Variants in PPP2R1B observed in about 807,000 individuals in gnomAD.
PPP2R1B encodes the protein protein phosphatase 2 scaffold subunit Abeta, also known as serine/threonine-protein phosphatase 2A 65 kDa regulatory subunit A beta isoform.
PPP2R1B carries 58 observed loss-of-function variants against 72.7 expected under a neutral mutation model. That is an observed-to-expected ratio of 0.80 (90% CI 0.65 to 0.99). The LOEUF (loss-of-function observed/expected upper bound fraction) is 0.99, where lower values mean the gene tolerates loss of function less well. Among genes scored for constraint, PPP2R1B ranks in the 50% least tolerant of loss-of-function variants. The probability of loss-of-function intolerance (pLI) is 0.00; values close to 1 mark genes in which losing one functional copy is unlikely to be tolerated. For synonymous variants in PPP2R1B, 256 were observed against 264.6 expected, an observed-to-expected ratio of 0.97 and a Z score of 0.32; for missense variants, 695 against 733.6, an observed-to-expected ratio of 0.95 and a Z score of 0.61.
At chr11:111,755,582 A>C in intron 5 of PPP2R1B, 132 bp from the exon 6 acceptor site, 2 of 761,948 alleles carry the variant, frequency 2.6e-6, no homozygotes, top group Non-Finnish European at 3.7e-6. Flanking sequence ...ACGTCTTGAC[A>C]TCTTTTTCTT....
chr11:111,721,855 G>A, the PPP2R1B span: 1 of 1,610,854 alleles, frequency 6.2e-7, no homozygotes. Context: ...CAGCAGGAAA[G>A]CGTCTCCACT....
chr11:111,749,823 C>A (rs1297115087), intron 10 of PPP2R1B, among the ~76,000 whole-genome samples: 1 of 152,206 alleles, frequency 6.6e-6, no homozygotes, highest in Non-Finnish European at 1.5e-5. Flanking sequence ...AAGACACCAT[C>A]TGCCTTGCTT....
chr11:111,703,915 A>AGGGGTCAT, the PPP2R1B span, among the ~76,000 whole-genome samples: 1 of 152,180 alleles, frequency 6.6e-6, no homozygotes, highest in African/African-American at 2.4e-5. Context: ...TAGAACTGTG[A>AGGGGTCAT]AGGGTCATGA....
intron 15 of PPP2R1B, chr11:111,728,001 C>G (rs1944031924): frequency 6.6e-6 from 1 of 152,228 alleles, no homozygotes; most frequent in South Asian, 2.1e-4. Flanking sequence ...AAAATTCATA[C>G]TCCAGGTAAC....
the PPP2R1B span, among the ~76,000 whole-genome samples, chr11:111,711,991 G>C: frequency 6.6e-6 from 1 of 152,354 alleles, no homozygotes; most frequent in East Asian, 1.9e-4. Flanking sequence ...AGGCAGAAAT[G>C]AAATTCTGTA....
intron 3 of PPP2R1B, among the ~76,000 whole-genome samples, chr11:111,762,398 C>T (rs1264861298): frequency 1.3e-5 from 2 of 152,264 alleles, no homozygotes; most frequent in African/African-American, 4.8e-5. Context: ...CTGTAACCCC[C>T]TCTCGTGCAG....
intron 13 of PPP2R1B, 22 bp from the exon 14 acceptor site, chr11:111,742,166 T>C: frequency 6.3e-7 from 1 of 1,577,466 alleles, no homozygotes; most frequent in East Asian, 2.2e-5. Flanking sequence ...AAGTATTATC[T>C]GTGAAAGACA....
downstream of PPP2R1B, among the ~76,000 whole-genome samples, chr11:111,734,357 A>G (rs1313538322): frequency 1.3e-5 from 2 of 152,256 alleles, no homozygotes; most frequent in Non-Finnish European, 2.9e-5. Context: ...AGTTCTAGGC[A>G]TCAGACATGG....
At chr11:111,757,359 A>G (rs1555050049) in intron 5 of PPP2R1B, among the ~76,000 whole-genome samples, 1 of 152,190 alleles carries the variant, frequency 6.6e-6, no homozygotes, top group Admixed American at 6.5e-5. Flanking sequence ...ACTGTGTATC[A>G]ACAATAACTG....
At chr11:111,733,294 A>C (rs949454720), downstream of PPP2R1B, among the ~76,000 whole-genome samples, 2 of 152,124 alleles carry the variant, frequency 1.3e-5, no homozygotes, top group African/African-American at 4.8e-5. Context: ...GGAAAGCATG[A>C]GCTGGGCTGA....
downstream of PPP2R1B, among the ~76,000 whole-genome samples, chr11:111,733,234 G>A (rs970313949): frequency 6.6e-6 from 1 of 152,192 alleles, no homozygotes; most frequent in Non-Finnish European, 1.5e-5. Flanking sequence ...TCCTAGGGCA[G>A]ACTGACTCAG....
At chr11:111,751,412 G>T (rs1258322218) in intron 10 of PPP2R1B, among the ~76,000 whole-genome samples, 1 of 152,046 alleles carries the variant, frequency 6.6e-6, no homozygotes, top group Non-Finnish European at 1.5e-5. Flanking sequence ...GTGATGAGGT[G>T]AAATATGTTT....
chr11:111,710,328 G>A, the PPP2R1B span, among the ~76,000 whole-genome samples: 1 of 152,276 alleles, frequency 6.6e-6, no homozygotes, highest in East Asian at 1.9e-4. Flanking sequence ...ATGGTATGCA[G>A]TTGTTTACTT....
At chr11:111,749,127 G>A (rs1448628574) in intron 10 of PPP2R1B, among the ~76,000 whole-genome samples, 2 of 152,052 alleles carry the variant, frequency 1.3e-5, no homozygotes, top group African/African-American at 2.4e-5. Context: ...TTACAGGCAT[G>A]AGCCACCGCA....
At chr11:111,728,867 T>G (rs536934744) in intron 15 of PPP2R1B, 1 of 146,052 alleles carries the variant, frequency 6.8e-6, no homozygotes, top group African/African-American at 2.6e-5. Flanking sequence ...GAGCTTGCAG[T>G]GAGCCAAGAT....
At chr11:111,761,373 C>T (rs1945321846) in intron 3 of PPP2R1B, 1 of 414,190 alleles carries the variant, frequency 2.4e-6, no homozygotes, top group Admixed American at 3.2e-5. Context: ...AGATACATAG[C>T]CAAATTCAGA....
At chr11:111,704,903 C>A in the PPP2R1B span, 2 of 1,431,448 alleles carry the variant, frequency 1.4e-6, no homozygotes, top group Non-Finnish European at 1.9e-6. Flanking sequence ...CACACAATTT[C>A]TTTCCTCTTT....
chr11:111,765,211 G>C, intron 2 of PPP2R1B, 83 bp downstream of exon 2: 2 of 1,330,606 alleles, frequency 1.5e-6, no homozygotes, highest in Non-Finnish European at 2.1e-6. Context: ...TTTAATGTGG[G>C]TAATAAACTC....
the PPP2R1B span, among the ~76,000 whole-genome samples, chr11:111,721,375 A>C: frequency 6.6e-6 from 1 of 151,908 alleles, no homozygotes; most frequent in African/African-American, 2.4e-5. Context: ...CCACACACAC[A>C]CCCAAATGAA....
Sources: gnomAD v4.1 joint callset for allele counts (sites outside exome capture counted in the v4.1 genomes callset) on GRCh38, gnomAD v4.1.1 for gene constraint, MANE v1.5 for transcripts, NCBI Gene and HGNC (gene_info 2026-07-23, HGNC 2026-07-21) for gene names.